The following LRRC38 variants were observed in gnomAD, a reference collection of about 807,000 sequenced individuals.
LRRC38 encodes the protein leucine-rich repeat-containing protein 38.
A neutral mutation model predicts 16.4 loss-of-function variants in LRRC38; 5 were observed. The observed-to-expected ratio is 0.31, with a 90% CI of 0.16 to 0.64. The LOEUF (loss-of-function observed/expected upper bound fraction) is 0.64. Ranked by LOEUF, LRRC38 falls within the 30% of genes least tolerant of loss-of-function variation. LRRC38 has a pLI of 0.80. For synonymous variants in LRRC38, 191 were observed against 190.2 expected (o/e 1.00, Z -0.04); for missense variants, 341 against 401.8 (o/e 0.85, Z 1.29).
intron 1 of LRRC38, among the ~76,000 whole-genome samples, chr1:13,500,295 A>G (rs572526248): frequency 2.6e-5 from 4 of 152,144 alleles, no homozygotes; most frequent in African/African-American, 7.2e-5. Flanking sequence ...AAAGAAAAGA[A>G]AAAAGCTACA....
chr1:13,512,934 C>CCAA, intron 1 of LRRC38, 29 bp downstream of exon 1: 1 of 1,480,104 alleles, frequency 6.8e-7, no homozygotes. Context: ...CCCCTCCCTC[C>CCAA]CTCCCCCAGC....
At chr1:13,482,089 A>G (rs1638876578) in intron 1 of LRRC38, among the ~76,000 whole-genome samples, 1 of 152,178 alleles carries the variant, frequency 6.6e-6, no homozygotes, top group African/African-American at 2.4e-5. Flanking sequence ...TAATTCATGC[A>G]TTAAGCAAAA....
chr1:13,496,817 G>A (rs1019299500), intron 1 of LRRC38, among the ~76,000 whole-genome samples: 1 of 152,182 alleles, frequency 6.6e-6, no homozygotes, highest in Non-Finnish European at 1.5e-5. Context: ...TGGTACAAGA[G>A]GACGAAGAGG....
chr1:13,505,147 C>T (rs1241382577), intron 1 of LRRC38, among the ~76,000 whole-genome samples: 6 of 152,220 alleles, frequency 3.9e-5, no homozygotes, highest in African/African-American at 1.4e-4. Context: ...GTGGCCTCGG[C>T]ATCCTGAACT....
At chr1:13,485,575 A>G (rs965066967) in intron 1 of LRRC38, among the ~76,000 whole-genome samples, 2 of 152,074 alleles carry the variant, frequency 1.3e-5, no homozygotes, top group South Asian at 2.1e-4. Context: ...CAAAAAAAAA[A>G]AAGAAGAAGA....
At chr1:13,505,756 A>AT (rs1249623615) in intron 1 of LRRC38, among the ~76,000 whole-genome samples, 1 of 152,178 alleles carries the variant, frequency 6.6e-6, no homozygotes, top group East Asian at 1.9e-4. Flanking sequence ...GTGATGCTTG[A>AT]TGGAAGACCT....
chr1:13,513,194 T>G lies in LRRC38; in HGVS notation c.400A>C (p.Ser134Arg). The change falls in exon 1 of 2, where the codon AGC becomes CGC. Residue 134 changes from serine (S) to arginine (R), a missense_variant. Coordinates refer to ENST00000376085, the MANE Select transcript of LRRC38 (RefSeq NM_001010847.2). ...CCCACCAGGTTGTTGTTAGCCAGGC[T>G]AAGCTTCACCAGCCTCCCGGCCGAG... ...FRSAGRLVKL[S>R]LANNNLVGVH... The G allele has an allele frequency of 6.4e-7, 1 of 1,550,446 alleles. No homozygotes were observed. Among genetic ancestry groups the G allele is most frequent in the Non-Finnish European group, 8.7e-7 (1 of 1,146,948 alleles).
intron 1 of LRRC38, among the ~76,000 whole-genome samples, chr1:13,481,776 TCTCC>T (rs1213636657): frequency 2.7e-5 from 1 of 37,366 alleles, no homozygotes; most frequent in South Asian, 8.5e-4. Flanking sequence ...TCTCTCCCTC[TCTCC>T]CTCTCTCCCT....
intron 1 of LRRC38, among the ~76,000 whole-genome samples, chr1:13,476,310 T>A (rs1190462003): frequency 6.6e-6 from 1 of 151,830 alleles, no homozygotes; most frequent in Non-Finnish European, 1.5e-5. Flanking sequence ...AACGTGCTGG[T>A]CTTCACTGAC....
intron 1 of LRRC38, among the ~76,000 whole-genome samples, chr1:13,510,542 A>C (rs1450179472): frequency 1.3e-5 from 2 of 152,158 alleles, no homozygotes; most frequent in Admixed American, 6.5e-5. Flanking sequence ...AAACGGGTAC[A>C]AAAAGATCAC....
intron 1 of LRRC38, among the ~76,000 whole-genome samples, chr1:13,504,610 C>A (rs147858129): frequency 0.041 from 6,265 of 151,364 alleles, 191 homozygotes; most frequent in Middle Eastern, 0.075. Context: ...GTAATCCCAG[C>A]TACTCAGGAG....
intron 1 of LRRC38, among the ~76,000 whole-genome samples, chr1:13,500,328 C>T (rs1355156830): frequency 6.6e-6 from 1 of 151,876 alleles, no homozygotes; most frequent in Non-Finnish European, 1.5e-5. Flanking sequence ...AATTTGCCCA[C>T]AAGGAAATTC....
intron 1 of LRRC38, among the ~76,000 whole-genome samples, chr1:13,477,560 G>A (rs549574340): frequency 4.6e-5 from 7 of 152,202 alleles, no homozygotes; most frequent in Admixed American, 2.6e-4. Context: ...GAAAAAGGCC[G>A]GGTGTGGTGG....
chr1:13,511,411 C>T (rs1051710034), intron 1 of LRRC38, among the ~76,000 whole-genome samples: 1 of 151,988 alleles, frequency 6.6e-6, no homozygotes, highest in Non-Finnish European at 1.5e-5. Flanking sequence ...CAGAGGTCAA[C>T]GCAAGAATTC....
intron 1 of LRRC38, among the ~76,000 whole-genome samples, chr1:13,491,022 C>T (rs1289875698): frequency 4.6e-5 from 7 of 152,234 alleles, no homozygotes; most frequent in Non-Finnish European, 1.0e-4. Flanking sequence ...TCAGGAACTA[C>T]GATGAGTACT....
chr1:13,478,942 C>G (rs1239417325), intron 1 of LRRC38, among the ~76,000 whole-genome samples: 1 of 152,158 alleles, frequency 6.6e-6, no homozygotes, highest in Non-Finnish European at 1.5e-5. Context: ...CCTCCTCTCC[C>G]AGAATCAGTG....
chr1:13,476,137 T>C (rs1406398458), intron 1 of LRRC38, 38 bp from the exon 2 acceptor site: 2 of 1,543,224 alleles, frequency 1.3e-6, no homozygotes, highest in Non-Finnish European at 1.8e-6. Flanking sequence ...AGATTTAGAC[T>C]GCAGCTCAAG....
At chr1:13,505,887 G>A (rs142257815) in intron 1 of LRRC38, among the ~76,000 whole-genome samples, 2 of 149,880 alleles carry the variant, frequency 1.3e-5, no homozygotes, top group East Asian at 4.2e-4. Context: ...GGCTGGTGTG[G>A]CCTGGGTGGG....
At chr1:13,498,837 C>T (rs1384519615) in intron 1 of LRRC38, among the ~76,000 whole-genome samples, 4 of 152,138 alleles carry the variant, frequency 2.6e-5, no homozygotes, top group African/African-American at 7.2e-5. Context: ...GCAGGCTGAA[C>T]ATCTGAGATC....
Sources: gnomAD v4.1 joint callset for allele counts (sites outside exome capture counted in the v4.1 genomes callset) on GRCh38, gnomAD v4.1.1 for gene constraint, MANE v1.5 for transcripts, NCBI Gene and HGNC (gene_info 2026-07-23, HGNC 2026-07-21) for gene names.